Variants in TMEM178B observed in about 807,000 individuals in gnomAD.
TMEM178B encodes the protein transmembrane protein 178B.
Under a neutral mutation model 31.0 loss-of-function variants are expected in TMEM178B, and 5 were observed. The observed-to-expected ratio is 0.16, with a 90% CI of 0.08 to 0.34. The LOEUF (loss-of-function observed/expected upper bound fraction) is 0.34, where lower values mean the gene tolerates loss of function less well. TMEM178B is among the 10% of genes least tolerant of loss of function. The probability of loss-of-function intolerance (pLI) is 1.00; values close to 1 mark genes in which losing one functional copy is unlikely to be tolerated. For synonymous variants in TMEM178B, 164 were observed against 164.0 expected (o/e 1.00, Z 0.00); for missense variants, 275 against 400.3 (o/e 0.69, Z 2.67).
intron 2 of TMEM178B, among the ~76,000 whole-genome samples, chr7:141,381,766 C>G (rs1800320367): frequency 6.6e-6 from 1 of 152,198 alleles, no homozygotes; most frequent in Non-Finnish European, 1.5e-5. Context: ...AGATCCCCCC[C>G]TTTTGCCCAC....
At chr7:141,432,945 G>C (rs1801464352) in intron 2 of TMEM178B, among the ~76,000 whole-genome samples, 1 of 152,204 alleles carries the variant, frequency 6.6e-6, no homozygotes, top group African/African-American at 2.4e-5. Context: ...TCCCCAGAAA[G>C]TCTTCTCCCA....
chr7:141,442,992 C>T (rs1801688892), intron 3 of TMEM178B, among the ~76,000 whole-genome samples: 1 of 152,190 alleles, frequency 6.6e-6, no homozygotes, highest in Non-Finnish European at 1.5e-5. Context: ...TCCAAGATCA[C>T]AATGTTGGCA....
intron 2 of TMEM178B, among the ~76,000 whole-genome samples, chr7:141,269,521 CTG>C (rs1430138251): frequency 6.6e-6 from 1 of 152,202 alleles, no homozygotes; most frequent in Non-Finnish European, 1.5e-5. Context: ...AACTGAATGG[CTG>C]ATATCATCTC....
At chr7:141,105,390 C>G (rs939045395) in intron 1 of TMEM178B, among the ~76,000 whole-genome samples, 1 of 152,074 alleles carries the variant, frequency 6.6e-6, no homozygotes, top group Non-Finnish European at 1.5e-5. Flanking sequence ...GCCTATAGTC[C>G]TAGCTACTTG....
chr7:141,187,970 T>G (rs572424036), intron 1 of TMEM178B, among the ~76,000 whole-genome samples: 16 of 152,014 alleles, frequency 1.1e-4, no homozygotes, highest in South Asian at 2.1e-4. Context: ...GTCAATTTTG[T>G]CTTTTGTTGC....
chr7:141,236,576 C>T (rs1797530681), intron 2 of TMEM178B, among the ~76,000 whole-genome samples: 2 of 152,180 alleles, frequency 1.3e-5, no homozygotes, highest in African/African-American at 2.4e-5. Flanking sequence ...AAAGGATCAC[C>T]TCTATCTTCA....
At chr7:141,427,692 A>C (rs964571444) in intron 2 of TMEM178B, among the ~76,000 whole-genome samples, 2 of 152,206 alleles carry the variant, frequency 1.3e-5, no homozygotes, top group African/African-American at 4.8e-5. Context: ...CAACAAAAAC[A>C]AAAATCAACG....
chr7:141,229,647 G>A (rs183305142), intron 2 of TMEM178B, among the ~76,000 whole-genome samples: 8 of 152,234 alleles, frequency 5.3e-5, no homozygotes, highest in East Asian at 1.9e-4. Flanking sequence ...TACAGGCTGG[G>A]CATGATGTTT....
chr7:141,316,554 G>A (rs1007180957), intron 2 of TMEM178B, among the ~76,000 whole-genome samples: 1 of 150,384 alleles, frequency 6.6e-6, no homozygotes, highest in Non-Finnish European at 1.5e-5. Flanking sequence ...CTGGACTGCT[G>A]TGTGTGTGTG....
At chr7:141,167,514 G>A (rs917786402) in intron 1 of TMEM178B, among the ~76,000 whole-genome samples, 3 of 152,234 alleles carry the variant, frequency 2.0e-5, no homozygotes, top group African/African-American at 7.2e-5. Flanking sequence ...AAGTGGATTT[G>A]TGCCTTTAAT....
chr7:141,335,657 C>T (rs1437331028), intron 2 of TMEM178B, among the ~76,000 whole-genome samples: 2 of 152,102 alleles, frequency 1.3e-5, no homozygotes, highest in South Asian at 2.1e-4. Context: ...TTCTCATTGC[C>T]TCACCTCTCC....
chr7:141,132,153 G>C (rs879330257), intron 1 of TMEM178B, among the ~76,000 whole-genome samples: 1 of 152,158 alleles, frequency 6.6e-6, no homozygotes, highest in Admixed American at 6.5e-5. Context: ...TGTGGATTCA[G>C]TGTTCTCTGC....
At chr7:141,113,627 G>A (rs913179482) in intron 1 of TMEM178B, among the ~76,000 whole-genome samples, 1 of 152,130 alleles carries the variant, frequency 6.6e-6, no homozygotes, top group African/African-American at 2.4e-5. Flanking sequence ...CTCCCTTTGA[G>A]CTCCTTCCGT....
At chr7:141,425,728 G>A (rs1184540799) in intron 2 of TMEM178B, among the ~76,000 whole-genome samples, 1 of 152,170 alleles carries the variant, frequency 6.6e-6, no homozygotes, top group South Asian at 2.1e-4. Flanking sequence ...TTCTTCAGGC[G>A]AGTACAAATT....
intron 2 of TMEM178B, among the ~76,000 whole-genome samples, chr7:141,320,515 G>C (rs1382949019): frequency 6.6e-6 from 1 of 152,186 alleles, no homozygotes; most frequent in Non-Finnish European, 1.5e-5. Context: ...ACAGGCCTCA[G>C]TGTCTGGCCC....
chr7:141,257,597 C>T (rs1797948254), intron 2 of TMEM178B, among the ~76,000 whole-genome samples: 1 of 152,136 alleles, frequency 6.6e-6, no homozygotes, highest in South Asian at 2.1e-4. Context: ...TGCAAAAACT[C>T]CCCTCTGACA....
At chr7:141,353,532 G>A (rs900774995) in intron 2 of TMEM178B, among the ~76,000 whole-genome samples, 5 of 152,224 alleles carry the variant, frequency 3.3e-5, no homozygotes, top group African/African-American at 1.2e-4. Flanking sequence ...CCTATAGCCT[G>A]TAACTTTCTT....
At chr7:141,404,960 G>T (rs148544450) in intron 2 of TMEM178B, among the ~76,000 whole-genome samples, 5 of 152,174 alleles carry the variant, frequency 3.3e-5, no homozygotes, top group African/African-American at 1.2e-4. Context: ...GAAGTTTCCC[G>T]TCCACCCCCT....
At chr7:141,372,590 G>C (rs980676973) in intron 2 of TMEM178B, among the ~76,000 whole-genome samples, 6 of 152,118 alleles carry the variant, frequency 3.9e-5, no homozygotes, top group Non-Finnish European at 7.4e-5. Flanking sequence ...AACCCCAGGG[G>C]ACAATCACAT....
Sources: allele counts gnomAD v4.1 joint callset (sites outside exome capture counted in the v4.1 genomes callset), GRCh38; gene constraint gnomAD v4.1.1; transcripts MANE v1.5; gene names NCBI Gene and HGNC (gene_info 2026-07-23, HGNC 2026-07-21).